Variants in SLC36A1 observed in about 807,000 individuals in gnomAD.
The protein encoded by SLC36A1 is solute carrier family 36 member 1.
A neutral mutation model predicts 47.5 loss-of-function variants in SLC36A1; 30 were observed. The observed-to-expected ratio is 0.63, with a 90% confidence interval of 0.47 to 0.86. The LOEUF is 0.86. Among genes scored for constraint, SLC36A1 ranks in the 40% least tolerant of loss-of-function variants. SLC36A1 has a pLI of 0.00. For missense variants in SLC36A1, 517 were observed against 606.0 expected (o/e 0.85, Z 1.54); for synonymous variants, 255 against 249.7 (o/e 1.02, Z -0.20).
the SLC36A1 span, among the ~76,000 whole-genome samples, chr5:151,350,858 T>C: frequency 1.3e-5 from 2 of 152,036 alleles, no homozygotes; most frequent in Non-Finnish European, 2.9e-5. Flanking sequence ...CATGACACCA[T>C]GCCTAATTTT....
the SLC36A1 span, chr5:151,419,968 C>T: frequency 0.15 from 23,278 of 152,102 alleles, 2,166 homozygotes; most frequent in East Asian, 0.38. Flanking sequence ...TCTCCATAGT[C>T]CATCAAGGGC....
chr5:151,530,023 T>G, the SLC36A1 span, among the ~76,000 whole-genome samples: 1 of 152,178 alleles, frequency 6.6e-6, no homozygotes. Flanking sequence ...TTTTTATAAT[T>G]CAGTCAGAAA....
chr5:151,357,359 T>C, the SLC36A1 span, among the ~76,000 whole-genome samples: 1 of 152,234 alleles, frequency 6.6e-6, no homozygotes, highest in Admixed American at 6.5e-5. Context: ...AAAGGAGCAC[T>C]AGCCAGTTTG....
At chr5:151,544,744 T>A in the SLC36A1 span, 2 of 1,614,214 alleles carry the variant, frequency 1.2e-6, no homozygotes, top group Non-Finnish European at 8.5e-7. Flanking sequence ...AAAGGGTTTC[T>A]TGAGTGATAT....
At chr5:151,545,671 A>G in the SLC36A1 span, 3 of 1,614,228 alleles carry the variant, frequency 1.9e-6, no homozygotes, top group South Asian at 1.1e-5. Context: ...TAGGGTTCCC[A>G]TGCTGGGATC....
chr5:151,362,208 G>T, the SLC36A1 span, among the ~76,000 whole-genome samples: 3 of 151,864 alleles, frequency 2.0e-5, no homozygotes, highest in Non-Finnish European at 4.4e-5. Flanking sequence ...CTTAGATTTG[G>T]TCTTTTGAGA....
At chr5:151,354,161 A>G in the SLC36A1 span, among the ~76,000 whole-genome samples, 1 of 152,138 alleles carries the variant, frequency 6.6e-6, no homozygotes, top group African/African-American at 2.4e-5. Context: ...AAAATTAGCC[A>G]GGCGTGGTGG....
chr5:151,444,605 C>A (rs1401067722), upstream of SLC36A1, among the ~76,000 whole-genome samples: 1 of 152,186 alleles, frequency 6.6e-6, no homozygotes, highest in Non-Finnish European at 1.5e-5. Flanking sequence ...CCTGCCTCAG[C>A]CTCTCAAGTA....
chr5:151,382,799 C>T, the SLC36A1 span, among the ~76,000 whole-genome samples: 2 of 152,136 alleles, frequency 1.3e-5, no homozygotes, highest in Non-Finnish European at 2.9e-5. Context: ...CCTGGAGGAA[C>T]CTGTTAGTTG....
At chr5:151,459,497 C>T (rs533216172) in intron 2 of SLC36A1, among the ~76,000 whole-genome samples, 1 of 152,344 alleles carries the variant, frequency 6.6e-6, no homozygotes, top group South Asian at 2.1e-4. Flanking sequence ...CTTCAGGTCT[C>T]ACTTTCCCCA....
Position 151,489,184 on chromosome 5 carries a change from C to T in SLC36A1, c.*930C>T, listed in dbSNP as rs2278372. 0.11 allele frequency: 16,449 copies of T among 152,138 alleles called. 1,306 individuals carry two copies. Among genetic ancestry groups the T allele is most frequent in the East Asian group, 0.34 (1,766 of 5,142 alleles). 9.4% of individuals were successfully genotyped at this position (152,138 alleles called of 1,614,324 possible). ...CAGATTTTGCCTCCTGTTGACCAGC[C>T]TGGTTTCATACCGAAAAGACATTGA... On this transcript the variant is annotated 3_prime_UTR_variant, in exon 11 of 11. Coordinates refer to ENST00000243389, the MANE Select transcript of SLC36A1 (RefSeq NM_078483.4). This position sits in a 1 kb window ranked among gnomAD's most constrained non-coding sequence, Gnocchi z 4.5.
chr5:151,543,451 G>A, the SLC36A1 span: 1 of 1,614,106 alleles, frequency 6.2e-7, no homozygotes, highest in Non-Finnish European at 8.5e-7. Flanking sequence ...TCCATCCCGA[G>A]CCATGACCTT....
At chr5:151,520,939 G>A in the SLC36A1 span, among the ~76,000 whole-genome samples, 1 of 152,240 alleles carries the variant, frequency 6.6e-6, no homozygotes, top group Non-Finnish European at 1.5e-5. Flanking sequence ...GCACAGAGAG[G>A]TTAATTTTCC....
the SLC36A1 span, among the ~76,000 whole-genome samples, chr5:151,548,015 A>AAAC: frequency 6.6e-6 from 1 of 152,260 alleles, no homozygotes; most frequent in Non-Finnish European, 1.5e-5. Flanking sequence ...TCCATCAATG[A>AAAC]GGTTGTCAAT....
the SLC36A1 span, among the ~76,000 whole-genome samples, chr5:151,427,220 A>T: frequency 6.6e-6 from 1 of 152,246 alleles, no homozygotes; most frequent in Admixed American, 6.5e-5. Flanking sequence ...TGAAATGAAT[A>T]ATTGTGGATA....
chr5:151,444,162 C>A (rs563059985), upstream of SLC36A1, among the ~76,000 whole-genome samples: 2 of 152,080 alleles, frequency 1.3e-5, no homozygotes, highest in South Asian at 4.2e-4. Context: ...CTTTTGTGGT[C>A]TCATGCAAAT....
At chr5:151,457,587 G>A (rs544609102) in intron 1 of SLC36A1, among the ~76,000 whole-genome samples, 1 of 152,228 alleles carries the variant, frequency 6.6e-6, no homozygotes, top group Admixed American at 6.5e-5. Flanking sequence ...GTTGAGACGA[G>A]GGCCAGGGTG....
At chr5:151,552,079 G>A in the SLC36A1 span, among the ~76,000 whole-genome samples, 9 of 151,240 alleles carry the variant, frequency 6.0e-5, no homozygotes, top group Admixed American at 2.0e-4. Context: ...CTGATTGGTG[G>A]AACTTTAGGT....
At chr5:151,365,677 C>G in the SLC36A1 span, among the ~76,000 whole-genome samples, 199 of 152,298 alleles carry the variant, frequency 1.3e-3, 1 homozygote, top group African/African-American at 4.7e-3. Context: ...GGGTTCAGTA[C>G]TAAATAGGCC....
Sources: allele counts gnomAD v4.1 joint callset (sites outside exome capture counted in the v4.1 genomes callset), GRCh38; gene constraint gnomAD v4.1.1; non-coding constraint Gnocchi (gnomAD v3.1); transcripts MANE v1.5; gene names NCBI Gene and HGNC (gene_info 2026-07-23, HGNC 2026-07-21).